The following ATP8A2 variants were observed in gnomAD, a reference collection of about 807,000 sequenced individuals.
ATP8A2 encodes the protein phospholipid-transporting ATPase IB.
Under a neutral mutation model 165.6 loss-of-function variants are expected in ATP8A2, and 100 were observed. That is an observed-to-expected ratio of 0.60 (90% CI 0.51 to 0.71). The LOEUF is 0.71. Ranked by LOEUF, ATP8A2 falls within the 30% of genes least tolerant of loss-of-function variation. The pLI is 0.00. For synonymous variants in ATP8A2, 543 were observed against 548.8 expected (o/e 0.99, Z 0.15); for missense variants, 1,227 against 1,479.5 (o/e 0.83, Z 2.80).
chr13:25,909,197 T>C lies in ATP8A2; in HGVS notation c.3183+46789T>C, dbSNP rs78872315. 2.0e-3 allele frequency among the ~76,000 whole-genome samples: 303 copies of C among 152,120 alleles called. 2 individuals carry two copies. Among genetic ancestry groups the C allele is most frequent in the African/African-American group, 7.0e-3 (289 of 41,508 alleles). On this transcript the variant is annotated intron_variant, in intron 33 of 36. Transcript: ENST00000381655. ...ATTGCAAAGTAGAGTGACATACTAG[T>C]CCCCCAAAATGATCTTAGTACCTGC...
At chr13:25,558,015 T>G (rs1333527444) in intron 13 of ATP8A2, among the ~76,000 whole-genome samples, 3 of 152,182 alleles carry the variant, frequency 2.0e-5, no homozygotes, top group Non-Finnish European at 4.4e-5. Flanking sequence ...GCGATTCTTC[T>G]GCCTCAACCT....
rs543397297 is a variant in ATP8A2, at chr13:25,688,217, T to TA, written c.2212-10955dup. Among the ~76,000 whole-genome samples the TA allele has an allele frequency of 4.1e-4, 63 of 152,314 alleles. No individual in the cohort carries two copies. The East Asian group carries it at 0.012, about 28-fold the overall frequency. On this transcript the variant is annotated intron_variant, in intron 24 of 36. Transcript: ENST00000381655. ...AGGCCTTTCCTGCCTAAGAGTTAATTACAGGATTTTGTTTCTTGCTCTGTA... is the reference window on the plus strand; with the variant it reads ...AGGCCTTTCCTGCCTAAGAGTTAATTAACAGGATTTTGTTTCTTGCTCTGTA...
intron 25 of ATP8A2, among the ~76,000 whole-genome samples, chr13:25,727,918 C>CA (rs1447059896): frequency 6.6e-6 from 1 of 152,102 alleles, no homozygotes; most frequent in African/African-American, 2.4e-5. Flanking sequence ...CTCTGGAGTC[C>CA]AAGCCCTGTG....
At chr13:25,947,546 G>A (rs1430232163) in intron 33 of ATP8A2, among the ~76,000 whole-genome samples, 1 of 152,152 alleles carries the variant, frequency 6.6e-6, no homozygotes, top group Non-Finnish European at 1.5e-5. Flanking sequence ...GGCCAAGAGG[G>A]TCTCCAGGAC....
intron 27 of ATP8A2, among the ~76,000 whole-genome samples, chr13:25,805,890 T>C (rs1027064680): frequency 2.0e-5 from 3 of 152,152 alleles, no homozygotes; most frequent in East Asian, 3.9e-4. Context: ...ATTTAATTCA[T>C]GGTAGGTATA....
chr13:25,733,973 A>G (rs1404252326), intron 25 of ATP8A2, among the ~76,000 whole-genome samples: 3 of 152,146 alleles, frequency 2.0e-5, no homozygotes, highest in Non-Finnish European at 2.9e-5. Flanking sequence ...GCGATGAGGA[A>G]CAGCTGGTTA....
intron 26 of ATP8A2, among the ~76,000 whole-genome samples, chr13:25,770,315 A>G (rs2044592019): frequency 1.3e-5 from 2 of 152,010 alleles, no homozygotes; most frequent in African/African-American, 2.4e-5. Flanking sequence ...GATATTTTGC[A>G]GACCCTGCAC....
Position 25,890,353 on chromosome 13 carries a change from C to T in ATP8A2, c.3183+27945C>T, listed in dbSNP as rs148894310. The stretch of plus-strand genomic sequence containing the variant: ...TCATCTTTTGTATCTCTTTAAATAC[C>T]TAACAGAACGCCTGGTACACAAATA... On this transcript the variant is annotated intron_variant, in intron 33 of 36. Transcript: ENST00000381655. Among the ~76,000 whole-genome samples the T allele has an allele frequency of 3.7e-4, 57 of 152,172 alleles. 1 individual carries two copies. In the East Asian group the frequency reaches 7.7e-3, roughly 21 times the overall value.
intron 25 of ATP8A2, among the ~76,000 whole-genome samples, chr13:25,744,587 T>C (rs2043988585): frequency 6.6e-6 from 1 of 152,186 alleles, no homozygotes; most frequent in Non-Finnish European, 1.5e-5. Context: ...TAGGAAGTAA[T>C]AGTGGGCTGA....
chr13:25,987,909 G>A (rs78003600), intron 35 of ATP8A2, among the ~76,000 whole-genome samples: 2,763 of 152,264 alleles, frequency 0.018, 66 homozygotes, highest in African/African-American at 0.056. Context: ...GGATTTCTTC[G>A]TGTGGCTGAT....
chr13:25,524,127 T>C (rs2037759008), intron 2 of ATP8A2, among the ~76,000 whole-genome samples: 1 of 152,326 alleles, frequency 6.6e-6, no homozygotes, highest in South Asian at 2.1e-4. Context: ...TATCAGTTGT[T>C]GAGGAACATG....
At chr13:25,672,413 T>A (rs998498543) in intron 24 of ATP8A2, among the ~76,000 whole-genome samples, 16 of 152,150 alleles carry the variant, frequency 1.1e-4, no homozygotes, top group African/African-American at 3.9e-4. Flanking sequence ...GCAGTGTGTG[T>A]TGTCTTGCTG....
intron 33 of ATP8A2, among the ~76,000 whole-genome samples, chr13:25,939,651 C>G (rs191048672): frequency 5.2e-4 from 79 of 152,242 alleles, no homozygotes; most frequent in African/African-American, 1.8e-3. Context: ...TCCATGTCCA[C>G]AATTCATTCC....
At chr13:25,727,869 C>T (rs985634795) in intron 25 of ATP8A2, among the ~76,000 whole-genome samples, 8 of 152,100 alleles carry the variant, frequency 5.3e-5, no homozygotes, top group African/African-American at 1.2e-4. Flanking sequence ...ATATGGAAAA[C>T]GACCCCAGAT....
At chr13:25,747,553 C>CA (rs1280298487) in intron 25 of ATP8A2, among the ~76,000 whole-genome samples, 1 of 151,756 alleles carries the variant, frequency 6.6e-6, no homozygotes, top group Non-Finnish European at 1.5e-5. Flanking sequence ...GAGGTAAGCT[C>CA]AGTCATGGAG....
At chr13:25,480,457 A>G (rs1566168873) in intron 2 of ATP8A2, among the ~76,000 whole-genome samples, 2 of 131,074 alleles carry the variant, frequency 1.5e-5, no homozygotes, top group African/African-American at 3.0e-5. Flanking sequence ...CTGGGCAGAG[A>G]CGCTCCTCAC....
chr13:25,912,231 G>C (rs1322252335), intron 33 of ATP8A2, among the ~76,000 whole-genome samples: 1 of 151,472 alleles, frequency 6.6e-6, no homozygotes. Flanking sequence ...AAGAGATTTA[G>C]TCATTTGCAA....
intron 23 of ATP8A2, among the ~76,000 whole-genome samples, chr13:25,587,463 A>G (rs9578891): frequency 0.015 from 2,274 of 152,218 alleles, 60 homozygotes; most frequent in African/African-American, 0.051. Context: ...GAGTTTTTCC[A>G]TAATATCTTT....
intron 23 of ATP8A2, among the ~76,000 whole-genome samples, chr13:25,583,273 C>T (rs1469987775): frequency 6.6e-6 from 1 of 152,174 alleles, no homozygotes; most frequent in East Asian, 1.9e-4. Context: ...AAAACACCTG[C>T]TATGGATCTG....
Sources: gnomAD v4.1 joint callset for allele counts (sites outside exome capture counted in the v4.1 genomes callset) on GRCh38, gnomAD v4.1.1 for gene constraint, MANE v1.5 for transcripts, NCBI Gene and HGNC (gene_info 2026-07-23, HGNC 2026-07-21) for gene names.